PCDHA7: variants seen among roughly 807,000 people sequenced by gnomAD.
PCDHA7 encodes protocadherin alpha-7.
PCDHA7 carries 37 observed loss-of-function variants against 57.2 expected under a neutral mutation model. The ratio of observed to expected loss-of-function variants is 0.65; its 90% CI spans 0.50 to 0.85. The LOEUF (loss-of-function observed/expected upper bound fraction) is 0.85. Among genes scored for constraint, PCDHA7 ranks in the 40% least tolerant of loss-of-function variants. The probability of loss-of-function intolerance (pLI) is 0.00; values close to 1 mark genes in which losing one functional copy is unlikely to be tolerated. For synonymous variants in PCDHA7, 553 were observed against 558.8 expected (o/e 0.99, Z 0.15); for missense variants, 1,188 against 1,241.8 (o/e 0.96, Z 0.65).
At chr5:140,928,122 A>C in intron 1 of PCDHA7, 1 of 1,614,196 alleles carries the variant, frequency 6.2e-7, no homozygotes, top group Non-Finnish European at 8.5e-7. Context: ...AGATCAGTGA[A>C]TACCAAGTCC....
chr5:140,926,538 G>A (rs155362), intron 1 of PCDHA7: 1 of 210,368 alleles, frequency 4.8e-6, no homozygotes, highest in Admixed American at 5.9e-5. Flanking sequence ...CAGCCAGCGT[G>A]GTGGTCGAGA....
intron 1 of PCDHA7, chr5:140,877,431 C>A: frequency 1.2e-6 from 2 of 1,613,836 alleles, no homozygotes; most frequent in Non-Finnish European, 1.7e-6. Flanking sequence ...TGGTGAAGGA[C>A]CACGGTGAGC....
chr5:140,861,636 CA>C, intron 1 of PCDHA7: 1 of 303,242 alleles, frequency 3.3e-6, no homozygotes. Flanking sequence ...CTCAGCAACA[CA>C]AAAGAATCTG....
chr5:140,846,597 A>G (rs930246175), intron 1 of PCDHA7, among the ~76,000 whole-genome samples: 2 of 148,430 alleles, frequency 1.3e-5, no homozygotes, highest in Non-Finnish European at 3.0e-5. Context: ...GATGGTCTCG[A>G]TCTCCTGACC....
chr5:140,967,836 A>G, intron 1 of PCDHA7: 1 of 1,614,136 alleles, frequency 6.2e-7, no homozygotes, highest in African/African-American at 1.3e-5. Flanking sequence ...GACATCGTGG[A>G]CGTGAATGAC....
chr5:140,967,364 C>T, intron 1 of PCDHA7: 2 of 1,607,620 alleles, frequency 1.2e-6, no homozygotes, highest in Non-Finnish European at 1.7e-6. Flanking sequence ...CCTTAAGCCC[C>T]TGCAGGAGAA....
At chr5:140,858,001 G>A in intron 1 of PCDHA7, 1 of 1,597,108 alleles carries the variant, frequency 6.3e-7, no homozygotes, top group East Asian at 2.2e-5. Flanking sequence ...TGCTGGTGAA[G>A]GACCATGGCG....
chr5:140,843,455 G>C, intron 1 of PCDHA7: 1 of 1,596,110 alleles, frequency 6.3e-7, no homozygotes, highest in Non-Finnish European at 8.6e-7. Context: ...CAGCCTGCTG[G>C]TGCTCACGCT....
intron 1 of PCDHA7, among the ~76,000 whole-genome samples, chr5:140,935,795 C>T (rs1366379710): frequency 2.0e-5 from 3 of 151,764 alleles, no homozygotes; most frequent in Admixed American, 6.6e-5. Flanking sequence ...AAAATATAAA[C>T]GAGATTATTT....
At chr5:140,943,063 C>T (rs1461337774) in intron 1 of PCDHA7, among the ~76,000 whole-genome samples, 1 of 151,748 alleles carries the variant, frequency 6.6e-6, no homozygotes, top group Admixed American at 6.6e-5. Context: ...TCAAGAACAG[C>T]CTGACCAACA....
At chr5:140,871,254 T>A in intron 1 of PCDHA7, 1 of 1,613,952 alleles carries the variant, frequency 6.2e-7, no homozygotes, top group Non-Finnish European at 8.5e-7. Context: ...TGCTGCTGTA[T>A]ACGGCGCTGT....
chr5:140,890,409 A>G (rs1554184285), intron 1 of PCDHA7, among the ~76,000 whole-genome samples: 1 of 152,174 alleles, frequency 6.6e-6, no homozygotes, highest in Non-Finnish European at 1.5e-5. Context: ...TTTAACTTGA[A>G]TATTTATTTA....
At chr5:140,848,511 C>T in intron 1 of PCDHA7, 1 of 1,589,730 alleles carries the variant, frequency 6.3e-7, no homozygotes, top group Non-Finnish European at 8.6e-7. Context: ...ATACTCAAGT[C>T]GAGGAGATCC....
chr5:140,858,323 G>A, intron 1 of PCDHA7: 2 of 1,596,704 alleles, frequency 1.3e-6, no homozygotes, highest in Non-Finnish European at 1.7e-6. Context: ...GGTGTGTTCT[G>A]GGGAGGGCCT....
At chr5:140,955,506 G>A (rs781377705) in intron 1 of PCDHA7, among the ~76,000 whole-genome samples, 3 of 152,222 alleles carry the variant, frequency 2.0e-5, no homozygotes, top group South Asian at 2.1e-4. Flanking sequence ...GAAGAAAGAC[G>A]TGTTTGCTTT....
At position 140,967,914 on chromosome 5, in the gene PCDHA7, T is replaced by C. The variant is rs1376293284; in HGVS notation, c.2356-11035T>C. On this transcript the variant is annotated intron_variant, in intron 1 of 3. Coordinates refer to ENST00000525929, the MANE Select transcript of PCDHA7 (RefSeq NM_018910.3). ...CCTGAGAATGCTACACCCAACACCA[T>C]TGTGGCCGTTCTCAGTGTCAATGAC... 1.2e-5 allele frequency: 20 copies of C among 1,614,060 alleles called. No individual in the cohort carries two copies. The highest frequency in any genetic ancestry group is 3.3e-5 in the South Asian group (3 of 91,086).
At chr5:140,976,330 T>C (rs139191853) in intron 1 of PCDHA7, among the ~76,000 whole-genome samples, 1 of 152,088 alleles carries the variant, frequency 6.6e-6, no homozygotes, top group Non-Finnish European at 1.5e-5. Flanking sequence ...GAGGGTGGAT[T>C]GCCTGAGGTC....
At chr5:140,837,965 A>G (rs1208755583) in intron 1 of PCDHA7, among the ~76,000 whole-genome samples, 1 of 151,758 alleles carries the variant, frequency 6.6e-6, no homozygotes, top group Non-Finnish European at 1.5e-5. Flanking sequence ...AGACACGAAC[A>G]ACCACACCCA....
chr5:140,836,045 C>G lies in PCDHA7; in HGVS notation c.1662C>G (p.Phe554Leu). 1.2e-6 allele frequency: 2 copies of G among 1,613,320 alleles called. No individual in the cohort carries two copies. Among genetic ancestry groups the G allele is most frequent in the South Asian group, 1.1e-5 (1 of 91,060 alleles). ...GCAGCAACGTGACGCTGCAGGTGTT[C>G]GTGCTGGACGAGAACGACAACGCGC... ...PLGSNVTLQV[F>L]VLDENDNAPA... Residue 554 changes from phenylalanine to leucine, a missense_variant, in exon 1 of 4, where the codon TTC becomes TTG. Physicochemically the swap from Phe to Leu is conservative, Grantham distance 22 (BLOSUM62 0). This residue lies in a region of PCDHA7 where 892 missense variants were observed against 788.5 expected (regional missense o/e 1.13). Coordinates refer to ENST00000525929, the MANE Select transcript of PCDHA7 (RefSeq NM_018910.3).
Sources: allele counts gnomAD v4.1 joint callset (sites outside exome capture counted in the v4.1 genomes callset), GRCh38; gene constraint gnomAD v4.1.1; regional missense constraint gnomAD v4.1.1; transcripts MANE v1.5; gene names NCBI Gene and HGNC (gene_info 2026-07-23, HGNC 2026-07-21).